The following SLCO3A1 variants were observed in gnomAD, a reference collection of about 807,000 sequenced individuals.
SLCO3A1 encodes solute carrier organic anion transporter family member 3A1.
In SLCO3A1, 27 loss-of-function variants were observed where a neutral mutation model predicts 63.1. The ratio of observed to expected loss-of-function variants is 0.43; its 90% CI spans 0.32 to 0.59. The LOEUF (loss-of-function observed/expected upper bound fraction) is 0.59, where lower values mean the gene tolerates loss of function less well. Among genes scored for constraint, SLCO3A1 ranks in the 20% least tolerant of loss-of-function variants. The pLI is 0.09. For missense variants in SLCO3A1, 773 were observed against 945.8 expected (o/e 0.82, Z 2.40); for synonymous variants, 473 against 409.9 (o/e 1.15, Z -1.86).
chr15:91,899,952 A>G (rs1246123823), intron 1 of SLCO3A1, among the ~76,000 whole-genome samples: 1 of 152,158 alleles, frequency 6.6e-6, no homozygotes, highest in Non-Finnish European at 1.5e-5. Flanking sequence ...GTTCCATTTC[A>G]TTGCCACTAC....
intron 7 of SLCO3A1, among the ~76,000 whole-genome samples, chr15:92,141,325 TTTCTTACTAG>T (rs1249041674): frequency 6.6e-6 from 1 of 152,196 alleles, no homozygotes; most frequent in East Asian, 1.9e-4. Flanking sequence ...TCTGGTATGC[TTTCTTACTAG>T]TTAATTGTCT....
At chr15:91,923,303 C>T (rs1392087682) in intron 2 of SLCO3A1, among the ~76,000 whole-genome samples, 1 of 152,160 alleles carries the variant, frequency 6.6e-6, no homozygotes, top group Non-Finnish European at 1.5e-5. Context: ...ACTGTTTAAA[C>T]GCAGGAGCAG....
At position 92,164,692 on chromosome 15, in the gene SLCO3A1, G is replaced by C; in HGVS notation, c.*1557G>C. 1.0e-6 allele frequency: 1 copy of C among 985,432 alleles called. No individual in the cohort carries two copies. Among genetic ancestry groups the C allele is most frequent in the Non-Finnish European group, 1.2e-6 (1 of 829,938 alleles). The allele number at this position is 985,432 out of a possible 1,614,324, so 61.0% of individuals were successfully genotyped here. On this transcript the variant is annotated 3_prime_UTR_variant, in exon 10 of 10. Coordinates refer to ENST00000318445, the MANE Select transcript of SLCO3A1 (RefSeq NM_013272.4). Reference sequence around the variant, plus strand: ...CGTGAAAATGTCTGTGACATTTTCAGTGTTAGTCTTGAACTAAGGCCCTTG... The same window carrying C: ...CGTGAAAATGTCTGTGACATTTTCACTGTTAGTCTTGAACTAAGGCCCTTG...
At chr15:92,011,869 G>A (rs28526765) in intron 2 of SLCO3A1, among the ~76,000 whole-genome samples, 27,726 of 152,242 alleles carry the variant, frequency 0.18, 2,714 homozygotes, top group South Asian at 0.36. Context: ...TACGCAAGAG[G>A]TTGTGAACAT....
At chr15:92,168,544 C>G (rs942929786), downstream of SLCO3A1, among the ~76,000 whole-genome samples, 1 of 152,198 alleles carries the variant, frequency 6.6e-6, no homozygotes, top group Non-Finnish European at 1.5e-5. Context: ...GTGCTGATCT[C>G]TGTTCTCTTG....
At chr15:91,892,736 G>T (rs1409224573) in intron 1 of SLCO3A1, among the ~76,000 whole-genome samples, 1 of 152,116 alleles carries the variant, frequency 6.6e-6, no homozygotes, top group Admixed American at 6.5e-5. Context: ...CCTTTAACAC[G>T]GGGCCTAGAT....
chr15:92,138,166 G>T (rs1296130448), intron 7 of SLCO3A1, among the ~76,000 whole-genome samples: 2 of 115,752 alleles, frequency 1.7e-5, no homozygotes, highest in Non-Finnish European at 3.4e-5. Flanking sequence ...GTGTAAGGAA[G>T]GGATCCAGTT....
At chr15:92,160,546 A>G (rs1417258331) in intron 9 of SLCO3A1, among the ~76,000 whole-genome samples, 1 of 152,154 alleles carries the variant, frequency 6.6e-6, no homozygotes, top group Non-Finnish European at 1.5e-5. Flanking sequence ...GAAAGAAGGA[A>G]ACAGGTTGTG....
rs2141825079 is a variant in SLCO3A1, at chr15:91,853,802, G to T, written c.-107G>T. Reference sequence around the variant, plus strand: ...GCGGCCGCCGCGAACCCGGGGCGGGGACAGCACGCAGCCTCGAGGCGCGCA... The same window carrying T: ...GCGGCCGCCGCGAACCCGGGGCGGGTACAGCACGCAGCCTCGAGGCGCGCA... On this transcript the variant is annotated 5_prime_UTR_variant, in exon 1 of 10. Transcript: ENST00000318445. 2 of 1,065,960 alleles carry T rather than the reference G, an allele frequency of 1.9e-6. No individual in the cohort carries two copies. Among genetic ancestry groups the T allele is most frequent in the Admixed American group, 5.2e-5 (1 of 19,398 alleles). The allele number at this position is 1,065,960 out of a possible 1,614,324, so 66.0% of individuals were successfully genotyped here. A position where few individuals can be genotyped will look rare whatever the true frequency, so the allele number is the denominator to read the frequency against.
chr15:92,091,438 G>A (rs902199780), intron 2 of SLCO3A1, among the ~76,000 whole-genome samples: 1 of 152,190 alleles, frequency 6.6e-6, no homozygotes, highest in Non-Finnish European at 1.5e-5. Context: ...CAGAACATTC[G>A]AGCTGGCTTT....
At position 92,131,575 on chromosome 15, in the gene SLCO3A1, C is replaced by A. The variant is rs2151571737; in HGVS notation, c.1512+3086C>A. Reference sequence around the variant, plus strand: ...GAGACGGGGTTTTTCACCGTGACGGCCAGGCTGGTCTTGAACTCCTGACCT... The same window carrying A: ...GAGACGGGGTTTTTCACCGTGACGGACAGGCTGGTCTTGAACTCCTGACCT... On this transcript the variant is annotated intron_variant, in intron 7 of 9. Transcript: ENST00000318445. Among the ~76,000 whole-genome samples, 2 of 144,846 alleles carry A rather than the reference C, an allele frequency of 1.4e-5. 1 individual carries two copies. The highest frequency in any genetic ancestry group is 6.9e-3 in the Middle Eastern group (2 of 290).
chr15:92,125,997 C>A, intron 5 of SLCO3A1, 64 bp from the exon 6 acceptor site: 1 of 1,418,660 alleles, frequency 7.0e-7, no homozygotes. Context: ...GCCTGCTGCC[C>A]GCCTGTCTGT....
rs1297837512 is a variant in SLCO3A1, at chr15:91,948,306, T to TG, written c.646+31851dup. On this transcript the variant is annotated intron_variant, in intron 2 of 9. Transcript: ENST00000318445. The surrounding 1 kb of genome is among the most constrained non-coding windows in gnomAD (Gnocchi z 4.8). The stretch of plus-strand genomic sequence containing the variant: ...CAAATGTGACCCTGCGTAGTGCTCC[T>TG]GGGAGGTGCATTTGAGCTGTCCTAG... Among the ~76,000 whole-genome samples, 1 of 152,152 alleles carries TG rather than the reference T, an allele frequency of 6.6e-6. No individual in the cohort carries two copies. Among genetic ancestry groups the TG allele is most frequent in the African/African-American group, 2.4e-5 (1 of 41,444 alleles).
At chr15:91,978,726 A>G (rs2099927980) in intron 2 of SLCO3A1, among the ~76,000 whole-genome samples, 1 of 152,252 alleles carries the variant, frequency 6.6e-6, no homozygotes, top group Non-Finnish European at 1.5e-5. Flanking sequence ...AGATTAAACT[A>G]AACTTATAAA....
Position 92,147,178 on chromosome 15 carries a change from C to A in SLCO3A1, c.1688+19C>A. On this transcript the variant is annotated intron_variant, in intron 8 of 9. Transcript: ENST00000318445. ...TCATCAGGTAAGCCCTCGGCACAGCCCCGCCTCTCCTCCTTTCCACCTGGT... is the reference window on the plus strand; with the variant it reads ...TCATCAGGTAAGCCCTCGGCACAGCACCGCCTCTCCTCCTTTCCACCTGGT... The A allele has an allele frequency of 6.3e-7, 1 of 1,598,124 alleles. No individual in the cohort carries two copies. Among genetic ancestry groups the A allele is most frequent in the South Asian group, 1.1e-5 (1 of 88,510 alleles).
chr15:91,983,750 C>T (rs1257726963), intron 2 of SLCO3A1, among the ~76,000 whole-genome samples: 3 of 152,124 alleles, frequency 2.0e-5, no homozygotes, highest in Admixed American at 1.3e-4. Flanking sequence ...AAGAGATCAA[C>T]GTGGAATGTG....
At chr15:91,877,234 G>A (rs1332928235) in intron 1 of SLCO3A1, among the ~76,000 whole-genome samples, 2 of 152,168 alleles carry the variant, frequency 1.3e-5, no homozygotes, top group Non-Finnish European at 2.9e-5. Context: ...TTAAGTTGGT[G>A]TGAACCTTCT....
At chr15:91,977,536 A>G (rs1381710104) in intron 2 of SLCO3A1, among the ~76,000 whole-genome samples, 1 of 152,182 alleles carries the variant, frequency 6.6e-6, no homozygotes, top group East Asian at 1.9e-4. Flanking sequence ...TCATGTTCTC[A>G]CTTCTAAGTA....
intron 2 of SLCO3A1, among the ~76,000 whole-genome samples, chr15:91,959,729 A>G (rs1900369955): frequency 6.9e-6 from 1 of 145,744 alleles, no homozygotes; most frequent in African/African-American, 2.7e-5. Flanking sequence ...ATCTCAAAAA[A>G]AAAAAAAAAA....
Sources: allele counts gnomAD v4.1 joint callset (sites outside exome capture counted in the v4.1 genomes callset), GRCh38; gene constraint gnomAD v4.1.1; non-coding constraint Gnocchi (gnomAD v3.1); transcripts MANE v1.5; gene names NCBI Gene and HGNC (gene_info 2026-07-23, HGNC 2026-07-21).